Variants in PPIL4 observed in about 807,000 individuals in gnomAD.
PPIL4 encodes the protein peptidyl-prolyl cis-trans isomerase-like 4.
PPIL4 carries 50 observed loss-of-function variants against 69.1 expected under a neutral mutation model. The ratio of observed to expected loss-of-function variants is 0.72; its 90% CI spans 0.58 to 0.92. The LOEUF (loss-of-function observed/expected upper bound fraction) is 0.92, where lower values mean the gene tolerates loss of function less well. PPIL4 is among the 40% of genes least tolerant of loss of function. The pLI, the probability that PPIL4 is intolerant of heterozygous loss-of-function variation, is 0.00. For synonymous variants in PPIL4, 193 were observed against 191.6 expected (o/e 1.01, Z -0.06); for missense variants, 480 against 587.9 (o/e 0.82, Z 1.90).
At chr6:149,509,721 C>T (rs897511250) in intron 12 of PPIL4, among the ~76,000 whole-genome samples, 1 of 152,050 alleles carries the variant, frequency 6.6e-6, no homozygotes, top group African/African-American at 2.4e-5. Flanking sequence ...GGTAAGAAGA[C>T]GAGCAAAAGT....
intron 4 of PPIL4, among the ~76,000 whole-genome samples, chr6:149,536,249 A>C (rs950891610): frequency 6.6e-6 from 1 of 152,212 alleles, no homozygotes; most frequent in South Asian, 2.1e-4. Context: ...AGTGCTCCCT[A>C]TTCCCCGAGA....
intron 7 of PPIL4, among the ~76,000 whole-genome samples, chr6:149,528,590 G>A (rs1429111274): frequency 6.6e-6 from 1 of 152,204 alleles, no homozygotes; most frequent in East Asian, 1.9e-4. Flanking sequence ...TCACCTTTTA[G>A]AGTGACTAAA....
At chr6:149,526,306 G>A (rs1278941732) in intron 8 of PPIL4, among the ~76,000 whole-genome samples, 1 of 152,002 alleles carries the variant, frequency 6.6e-6, no homozygotes, top group African/African-American at 2.4e-5. Context: ...ATAAATTGCT[G>A]GTAATTCCAG....
At chr6:149,527,862 C>T (rs1777131495) in intron 7 of PPIL4, among the ~76,000 whole-genome samples, 1 of 152,108 alleles carries the variant, frequency 6.6e-6, no homozygotes, top group South Asian at 2.1e-4. Flanking sequence ...CATGCCCTTC[C>T]CCCCAAAATC....
At chr6:149,525,581 A>C (rs1333614438) in intron 8 of PPIL4, among the ~76,000 whole-genome samples, 2 of 152,234 alleles carry the variant, frequency 1.3e-5, no homozygotes, top group East Asian at 3.8e-4. Flanking sequence ...AACATCTAAC[A>C]TTACTGTAGA....
chr6:149,517,573 G>C (rs1366922648), intron 10 of PPIL4, 123 bp from the exon 11 acceptor site: 7 of 519,108 alleles, frequency 1.3e-5, no homozygotes, highest in Non-Finnish European at 2.0e-5. Context: ...ACAGAGAAAG[G>C]GAACAAAAGA....
At chr6:149,514,319 C>T (rs1776910866) in intron 11 of PPIL4, among the ~76,000 whole-genome samples, 1 of 152,164 alleles carries the variant, frequency 6.6e-6, no homozygotes, top group Non-Finnish European at 1.5e-5. Flanking sequence ...ACATGCTGCT[C>T]CCTCTGTCCA....
intron 11 of PPIL4, chr6:149,516,893 A>T (rs1776952181): frequency 6.6e-6 from 1 of 152,542 alleles, no homozygotes; most frequent in Non-Finnish European, 1.5e-5. Context: ...TCAGCTTAGC[A>T]ATAATAAATT....
At position 149,546,001 on chromosome 6, in the gene PPIL4, G is replaced by C. The variant is rs747592424; in HGVS notation, c.5C>G (p.Ala2Gly). The C allele has an allele frequency of 6.3e-7, 1 of 1,578,014 alleles. No individual in the cohort carries two copies. The highest frequency in any genetic ancestry group is 1.8e-5 in the Admixed American group (1 of 56,562). The change falls in exon 1 of 13, where the codon GCG (alanine) becomes GGG (glycine). Residue 2 changes from alanine (A) to glycine (G), a missense_variant. By Grantham distance (60) the Ala-to-Gly change is moderately conservative. Transcript: ENST00000253329. M[A>G]VLLETTLGDV... ...GCCTAAAGTGGTCTCCAGTAGAACC[G>C]CCATGGCGCCCGCTCCTCCTCCGCT... is the stretch of plus-strand genomic sequence containing the variant.
intron 7 of PPIL4, among the ~76,000 whole-genome samples, chr6:149,532,564 A>G (rs1393995296): frequency 6.6e-6 from 1 of 152,214 alleles, no homozygotes; most frequent in Non-Finnish European, 1.5e-5. Context: ...TTCTTGAACT[A>G]TACAGCCTTT....
At chr6:149,528,031 G>C (rs1443608999) in intron 7 of PPIL4, among the ~76,000 whole-genome samples, 1 of 152,152 alleles carries the variant, frequency 6.6e-6, no homozygotes, top group Non-Finnish European at 1.5e-5. Flanking sequence ...TGAGGAAGGA[G>C]GATCTCTTGA....
Position 149,514,038 on chromosome 6 carries a change from G to A in PPIL4, c.1080-1736C>T, listed in dbSNP as rs768388334. Among the ~76,000 whole-genome samples the A allele has an allele frequency of 8.3e-4, 126 of 152,252 alleles. 1 individual carries two copies. The highest frequency in any genetic ancestry group is 2.7e-3 in the African/African-American group (111 of 41,546). On this transcript the variant is annotated intron_variant, in intron 11 of 12. Transcript: ENST00000253329. The stretch of plus-strand genomic sequence containing the variant: ...ACACTTCCCTCAGGACTAGAGGCTC[G>A]TGTCTGCTTCACAAAGCCACAACTC...
intron 6 of PPIL4, among the ~76,000 whole-genome samples, chr6:149,534,302 G>T (rs1222110879): frequency 6.6e-6 from 1 of 152,164 alleles, no homozygotes; most frequent in African/African-American, 2.4e-5. Context: ...TAAAATATGT[G>T]GGGGAACAGT....
At chr6:149,532,106 G>C (rs1050190112) in intron 7 of PPIL4, among the ~76,000 whole-genome samples, 1 of 152,150 alleles carries the variant, frequency 6.6e-6, no homozygotes, top group Non-Finnish European at 1.5e-5. Flanking sequence ...GGAAATAACA[G>C]GCAACTTACT....
intron 9 of PPIL4, 38 bp from the exon 10 acceptor site, chr6:149,521,209 T>C (rs574480499): frequency 7.5e-6 from 9 of 1,194,892 alleles, no homozygotes; most frequent in Admixed American, 6.2e-5. Flanking sequence ...TAAATCTTTA[T>C]GGAAAAGATT....
chr6:149,529,924 T>C (rs1306697094), intron 7 of PPIL4, among the ~76,000 whole-genome samples: 4 of 152,184 alleles, frequency 2.6e-5, no homozygotes, highest in African/African-American at 4.8e-5. Flanking sequence ...ATTCCAACTA[T>C]ATGACATTTT....
At chr6:149,514,118 T>C (rs1012806629) in intron 11 of PPIL4, among the ~76,000 whole-genome samples, 7 of 152,250 alleles carry the variant, frequency 4.6e-5, no homozygotes, top group African/African-American at 1.7e-4. Flanking sequence ...AAAGACATTG[T>C]TCCTCCTAGC....
chr6:149,522,372 C>G (rs1343426344), intron 9 of PPIL4, among the ~76,000 whole-genome samples: 1 of 152,044 alleles, frequency 6.6e-6, no homozygotes, highest in Non-Finnish European at 1.5e-5. Context: ...TCAAAAACAA[C>G]AAAGTTGGAA....
chr6:149,505,393 G>C lies in PPIL4; in HGVS notation c.*60C>G. On this transcript the variant is annotated 3_prime_UTR_variant, in exon 13 of 13. Transcript: ENST00000253329. ...ACAAAATCTAAGCATCTGCTTTCCT[G>C]GCACTCTTAAGTTAGACAAGAGTAA... 1 of 1,491,488 alleles carries C rather than the reference G, an allele frequency of 6.7e-7. No individual in the cohort carries two copies. The highest frequency in any genetic ancestry group is 9.1e-7 in the Non-Finnish European group (1 of 1,101,802). The allele number at this position is 1,491,488 out of a possible 1,614,324, so 92.4% of individuals were successfully genotyped here. A position where few individuals can be genotyped will look rare whatever the true frequency, so the allele number is the denominator to read the frequency against.
Sources: gnomAD v4.1 joint callset for allele counts (sites outside exome capture counted in the v4.1 genomes callset) on GRCh38, gnomAD v4.1.1 for gene constraint, MANE v1.5 for transcripts, NCBI Gene and HGNC (gene_info 2026-07-23, HGNC 2026-07-21) for gene names.